Variants in EPHA7 observed in about 807,000 individuals in gnomAD.
EPHA7 encodes the protein ephrin type-A receptor 7.
EPHA7 carries 25 observed loss-of-function variants against 112.6 expected under a neutral mutation model. The observed-to-expected ratio is 0.22, with a 90% CI of 0.16 to 0.31. The LOEUF (loss-of-function observed/expected upper bound fraction) is 0.31. Ranked by LOEUF, EPHA7 falls within the 10% of genes least tolerant of loss-of-function variation. The pLI is 1.00. For missense variants in EPHA7, 962 were observed against 1,212.6 expected, an observed-to-expected ratio of 0.79 and a Z score of 3.07; for synonymous variants, 437 against 406.5, an observed-to-expected ratio of 1.07 and a Z score of -0.90.
chr6:93,413,318 A>T (rs1335983011), intron 2 of EPHA7, among the ~76,000 whole-genome samples: 3 of 151,962 alleles, frequency 2.0e-5, no homozygotes, highest in Non-Finnish European at 4.4e-5. Context: ...GACTGATAAA[A>T]TGCCCATTTG....
intron 3 of EPHA7, among the ~76,000 whole-genome samples, chr6:93,407,239 A>C (rs1210079924): frequency 6.6e-6 from 1 of 152,032 alleles, no homozygotes; most frequent in Non-Finnish European, 1.5e-5. Flanking sequence ...TGCCCAGATA[A>C]ACTTGCCTTT....
chr6:93,409,699 A>G (rs1309025518), intron 3 of EPHA7: 1 of 151,896 alleles, frequency 6.6e-6, no homozygotes, highest in Non-Finnish European at 1.5e-5. Context: ...GAAACAGAAT[A>G]TCTATCAATC....
intron 5 of EPHA7, among the ~76,000 whole-genome samples, chr6:93,290,483 T>C (rs1443183305): frequency 6.6e-6 from 1 of 152,180 alleles, no homozygotes; most frequent in Non-Finnish European, 1.5e-5. Context: ...GGAAATTTCT[T>C]CAACTCTTAG....
chr6:93,336,212 C>T (rs1290574904), intron 5 of EPHA7, among the ~76,000 whole-genome samples: 1 of 151,944 alleles, frequency 6.6e-6, no homozygotes, highest in Non-Finnish European at 1.5e-5. Flanking sequence ...TTAAGGTTGC[C>T]CAATAAAATA....
At chr6:93,333,413 T>C (rs376269683) in intron 5 of EPHA7, among the ~76,000 whole-genome samples, 8 of 152,018 alleles carry the variant, frequency 5.3e-5, no homozygotes, top group African/African-American at 1.9e-4. Context: ...CATAATGGAA[T>C]TGTTGGATCA....
intron 5 of EPHA7, 130 bp downstream of exon 5, chr6:93,356,587 T>A: frequency 2.4e-6 from 2 of 827,582 alleles, no homozygotes; most frequent in Non-Finnish European, 3.8e-6. Context: ...CAGGAAAAGT[T>A]AAAGCTGTAA....
Position 93,419,434 on chromosome 6 carries a change from G to T in EPHA7, c.-93C>A. 9.7e-7 allele frequency: 1 copy of T among 1,026,146 alleles called. No homozygotes were observed. Among genetic ancestry groups the T allele is most frequent in the Non-Finnish European group, 1.5e-6 (1 of 684,992 alleles). 63.6% of individuals were successfully genotyped at this position (1,026,146 alleles called of 1,614,324 possible). The stretch of plus-strand genomic sequence containing the variant: ...TCCGAAGTAGCTTTTGTTTTATTGT[G>T]CTCCTTGCATCGATTCCCCTTCTCG... On this transcript the variant is annotated 5_prime_UTR_variant, in exon 1 of 17. Coordinates refer to ENST00000369303, the MANE Select transcript of EPHA7 (RefSeq NM_004440.4).
At chr6:93,249,350 T>C (rs528367674) in intron 14 of EPHA7, among the ~76,000 whole-genome samples, 32 of 152,298 alleles carry the variant, frequency 2.1e-4, no homozygotes, top group African/African-American at 7.2e-4. Flanking sequence ...GTAATAGCAC[T>C]GTACTTGGAT....
chr6:93,341,857 G>C (rs1775154503), intron 5 of EPHA7, among the ~76,000 whole-genome samples: 1 of 151,748 alleles, frequency 6.6e-6, no homozygotes, highest in South Asian at 2.1e-4. Flanking sequence ...AGGTTTCTTT[G>C]ATTATGGAAG....
At chr6:93,328,349 A>G (rs905727568) in intron 5 of EPHA7, among the ~76,000 whole-genome samples, 1 of 151,566 alleles carries the variant, frequency 6.6e-6, no homozygotes, top group Non-Finnish European at 1.5e-5. Context: ...CTTTTTAAAG[A>G]CAGAGATTTC....
intron 5 of EPHA7, among the ~76,000 whole-genome samples, chr6:93,273,282 G>T (rs1771317192): frequency 6.6e-6 from 1 of 151,902 alleles, no homozygotes; most frequent in South Asian, 2.1e-4. Context: ...GTCTAAATGA[G>T]TAGCTGCACT....
chr6:93,388,556 T>G (rs1777746251), intron 3 of EPHA7, among the ~76,000 whole-genome samples: 1 of 152,132 alleles, frequency 6.6e-6, no homozygotes, highest in African/African-American at 2.4e-5. Context: ...GCTATTATTT[T>G]GTAGTAACCT....
intron 5 of EPHA7, among the ~76,000 whole-genome samples, chr6:93,311,400 A>G (rs891344255): frequency 6.6e-6 from 1 of 152,184 alleles, no homozygotes; most frequent in Non-Finnish European, 1.5e-5. Context: ...CAATATTCAA[A>G]GAGTCTCCAT....
At chr6:93,383,661 A>C (rs1562143075) in intron 3 of EPHA7, among the ~76,000 whole-genome samples, 1 of 152,210 alleles carries the variant, frequency 6.6e-6, no homozygotes, top group Non-Finnish European at 1.5e-5. Context: ...TTTGATCATA[A>C]AAATCAGAGA....
chr6:93,242,243 A>T lies in EPHA7; in HGVS notation c.*1183T>A, dbSNP rs1769719841. The T allele has an allele frequency of 5.0e-6, 1 of 199,544 alleles. No homozygotes were observed. The highest frequency in any genetic ancestry group is 2.3e-5 in the African/African-American group (1 of 43,462). 12.4% of individuals were successfully genotyped at this position (199,544 alleles called of 1,614,324 possible). On this transcript the variant is annotated 3_prime_UTR_variant, in exon 17 of 17. Transcript: ENST00000369303. ...ACAAGTTTCTTGCATCAGTGTTCACAAACAAAAGACTTTTTGTTTTGTTTT... is the reference window on the plus strand; with the variant it reads ...ACAAGTTTCTTGCATCAGTGTTCACTAACAAAAGACTTTTTGTTTTGTTTT...
chr6:93,353,518 T>C (rs1005729657), intron 5 of EPHA7, among the ~76,000 whole-genome samples: 2 of 152,174 alleles, frequency 1.3e-5, no homozygotes, highest in African/African-American at 4.8e-5. Flanking sequence ...CTGCCAATTC[T>C]GCACTCACAT....
In EPHA7 at chr6:93,413,495, G is replaced by A. The variant is rs542287149; in HGVS notation, c.162+1208C>T. ...AATGGGCTACATCTGTCATTGGCAAGAAAGGTGTTTCATTTTTTATCATGA... is the reference window on the plus strand; with the variant it reads ...AATGGGCTACATCTGTCATTGGCAAAAAAGGTGTTTCATTTTTTATCATGA... On this transcript the variant is annotated intron_variant, in intron 2 of 16. Coordinates refer to ENST00000369303, the MANE Select transcript of EPHA7 (RefSeq NM_004440.4). 7.9e-5 allele frequency among the ~76,000 whole-genome samples: 12 copies of A among 151,962 alleles called. No homozygotes were observed. The South Asian group carries it at 2.5e-3, about 31-fold the overall frequency.
Position 93,254,914 on chromosome 6 carries a change from C to T in EPHA7, c.2383-118G>A, listed in dbSNP as rs1024984398. The T allele has an allele frequency of 9.6e-5, 68 of 704,784 alleles. No homozygotes were observed. In the African/African-American group the frequency reaches 1.1e-3, roughly 11 times the overall value. The allele number at this position is 704,784 out of a possible 1,614,324, so 43.7% of individuals were successfully genotyped here. A position where few individuals can be genotyped will look rare whatever the true frequency, so the allele number is the denominator to read the frequency against. Reference sequence around the variant, plus strand: ...GGTAGTTCAGCAGCATCAGGTCTACCCATCTTGAATCTCTATGCGTATTTA... The same window carrying T: ...GGTAGTTCAGCAGCATCAGGTCTACTCATCTTGAATCTCTATGCGTATTTA... On this transcript the variant is annotated intron_variant, in intron 13 of 16. Coordinates refer to ENST00000369303, the MANE Select transcript of EPHA7 (RefSeq NM_004440.4).
chr6:93,374,076 A>C (rs548878725), intron 3 of EPHA7, among the ~76,000 whole-genome samples: 1 of 152,306 alleles, frequency 6.6e-6, no homozygotes, highest in Non-Finnish European at 1.5e-5. Context: ...ATGAAGTCGC[A>C]CTAGAGGTAT....
Sources: allele counts gnomAD v4.1 joint callset (sites outside exome capture counted in the v4.1 genomes callset), GRCh38; gene constraint gnomAD v4.1.1; transcripts MANE v1.5; gene names NCBI Gene and HGNC (gene_info 2026-07-23, HGNC 2026-07-21).